AGBL4: variants seen among roughly 807,000 people sequenced by gnomAD.
AGBL4 encodes the protein cytosolic carboxypeptidase 6.
A neutral mutation model predicts 66.4 loss-of-function variants in AGBL4; 58 were observed. The ratio of observed to expected loss-of-function variants is 0.87; its 90% CI spans 0.71 to 1.09. AGBL4 has a LOEUF of 1.09. Ranked by LOEUF, AGBL4 falls within the 50% of genes least tolerant of loss-of-function variation. The probability of loss-of-function intolerance (pLI) is 0.00; values close to 1 mark genes in which losing one functional copy is unlikely to be tolerated. For missense variants in AGBL4, 579 were observed against 631.0 expected (o/e 0.92, Z 0.88); for synonymous variants, 234 against 222.9 (o/e 1.05, Z -0.44).
At chr1:49,485,399 T>C (rs993153867) in intron 3 of AGBL4, among the ~76,000 whole-genome samples, 11 of 136,116 alleles carry the variant, frequency 8.1e-5, no homozygotes, top group East Asian at 2.2e-4. Context: ...TAGGTGGGAA[T>C]TGAACAATGA....
chr1:49,826,127 T>A (rs1442650677), intron 2 of AGBL4, among the ~76,000 whole-genome samples: 1 of 152,168 alleles, frequency 6.6e-6, no homozygotes, highest in Non-Finnish European at 1.5e-5. Context: ...CTTAAAAAGT[T>A]GTTTTTTTCC....
downstream of AGBL4, among the ~76,000 whole-genome samples, chr1:48,531,620 G>T (rs781638660): frequency 6.6e-5 from 10 of 152,132 alleles, no homozygotes; most frequent in Non-Finnish European, 1.0e-4. Flanking sequence ...CCTGGATTTG[G>T]TTATTACCTC....
chr1:49,829,319 G>A (rs1645595226), intron 2 of AGBL4, among the ~76,000 whole-genome samples: 2 of 152,116 alleles, frequency 1.3e-5, no homozygotes, highest in South Asian at 4.2e-4. Flanking sequence ...ATGTGTGGAG[G>A]AAAACAAGAT....
At chr1:49,639,652 G>A (rs1281700326) in intron 3 of AGBL4, among the ~76,000 whole-genome samples, 1 of 152,158 alleles carries the variant, frequency 6.6e-6, no homozygotes, top group Non-Finnish European at 1.5e-5. Context: ...ATTTGGATAG[G>A]TGTTTTGCAT....
downstream of AGBL4, among the ~76,000 whole-genome samples, chr1:48,530,562 C>T (rs1220078576): frequency 6.6e-6 from 1 of 152,178 alleles, no homozygotes; most frequent in Non-Finnish European, 1.5e-5. Context: ...TAGACAAAGG[C>T]TCACTGTTGG....
intron 3 of AGBL4, among the ~76,000 whole-genome samples, chr1:49,426,597 G>A (rs1342940308): frequency 6.6e-6 from 1 of 152,156 alleles, no homozygotes. Context: ...TATTTCAGTT[G>A]AGCAATAGCT....
At chr1:49,859,001 C>T (rs1646500352) in intron 1 of AGBL4, among the ~76,000 whole-genome samples, 1 of 150,532 alleles carries the variant, frequency 6.6e-6, no homozygotes, top group East Asian at 2.0e-4. Context: ...GAGTAAGACT[C>T]TATCTCAAAA....
At chr1:49,561,567 T>C (rs1315094175) in intron 3 of AGBL4, among the ~76,000 whole-genome samples, 2 of 152,014 alleles carry the variant, frequency 1.3e-5, no homozygotes, top group South Asian at 2.1e-4. Context: ...TTTTGGTTTT[T>C]TGTCCTTGTG....
rs371700369 is a variant in AGBL4, at chr1:49,135,628, G to A, written c.378-89828C>T. On this transcript the variant is annotated intron_variant, in intron 4 of 13. Coordinates refer to ENST00000371839, the MANE Select transcript of AGBL4 (RefSeq NM_032785.4). ...AAATGAAGAGATGGGCTGAATTAAAGGAATAGGTTGGGCTAGTTAACTGCA... is the reference window on the plus strand; with the variant it reads ...AAATGAAGAGATGGGCTGAATTAAAAGAATAGGTTGGGCTAGTTAACTGCA... Among the ~76,000 whole-genome samples, 15 of 152,280 alleles carry A rather than the reference G, an allele frequency of 9.9e-5. 1 individual carries two copies. The highest frequency in any genetic ancestry group is 3.6e-4 in the African/African-American group (15 of 41,562).
chr1:49,477,279 G>C (rs1348792314), intron 3 of AGBL4, among the ~76,000 whole-genome samples: 2 of 152,034 alleles, frequency 1.3e-5, no homozygotes, highest in Non-Finnish European at 2.9e-5. Context: ...TGCTATGCTG[G>C]CTTCAGGTTT....
At chr1:48,761,504 T>C (rs1236580290) in intron 6 of AGBL4, 17 of 1,538,524 alleles carry the variant, frequency 1.1e-5, no homozygotes, top group Non-Finnish European at 1.4e-5. Flanking sequence ...AGGTTCATCA[T>C]GAGTTAAAAT....
At chr1:49,258,648 G>T (rs568080769) in intron 3 of AGBL4, among the ~76,000 whole-genome samples, 2 of 152,266 alleles carry the variant, frequency 1.3e-5, no homozygotes, top group South Asian at 4.2e-4. Context: ...AAGAAATATG[G>T]GACTATGTGA....
chr1:48,907,232 G>A (rs1652684853), intron 5 of AGBL4, among the ~76,000 whole-genome samples: 1 of 152,186 alleles, frequency 6.6e-6, no homozygotes, highest in African/African-American at 2.4e-5. Flanking sequence ...TTAGAGATTG[G>A]AGGGAATCTT....
chr1:49,276,968 C>T (rs755560056), intron 3 of AGBL4, among the ~76,000 whole-genome samples: 87 of 151,670 alleles, frequency 5.7e-4, no homozygotes, highest in Admixed American at 2.8e-3. Context: ...TTGGTCCCTA[C>T]GTTATTTAGC....
intron 6 of AGBL4, among the ~76,000 whole-genome samples, chr1:48,709,937 C>T (rs964189886): frequency 1.1e-4 from 16 of 152,088 alleles, no homozygotes; most frequent in South Asian, 6.2e-4. Context: ...GAATAATTAA[C>T]CAATTGAATC....
At chr1:49,848,876 T>C (rs1388761551) in intron 2 of AGBL4, among the ~76,000 whole-genome samples, 1 of 152,228 alleles carries the variant, frequency 6.6e-6, no homozygotes, top group African/African-American at 2.4e-5. Flanking sequence ...GAAATGTTTA[T>C]AGAGATATGC....
At chr1:49,665,360 G>T (rs181707198) in intron 3 of AGBL4, among the ~76,000 whole-genome samples, 1 of 152,176 alleles carries the variant, frequency 6.6e-6, no homozygotes, top group African/African-American at 2.4e-5. Context: ...AGACAGTCCT[G>T]GGCTTGAAGC....
chr1:49,486,037 T>C (rs1279521503), intron 3 of AGBL4, among the ~76,000 whole-genome samples: 1 of 151,994 alleles, frequency 6.6e-6, no homozygotes, highest in Non-Finnish European at 1.5e-5. Flanking sequence ...TTTACCCTGA[T>C]GTGAAGATGC....
chr1:49,540,001 A>T (rs1272253397), intron 3 of AGBL4, among the ~76,000 whole-genome samples: 1 of 152,206 alleles, frequency 6.6e-6, no homozygotes, highest in African/African-American at 2.4e-5. Context: ...CAAATTTTGC[A>T]TGATTTTGAG....
Sources: allele counts gnomAD v4.1 joint callset (sites outside exome capture counted in the v4.1 genomes callset), GRCh38; gene constraint gnomAD v4.1.1; transcripts MANE v1.5; gene names NCBI Gene and HGNC (gene_info 2026-07-23, HGNC 2026-07-21).